Variants in CTNNA3 observed in about 807,000 individuals in gnomAD.
CTNNA3 encodes catenin alpha 3, also known as catenin alpha-3.
In CTNNA3, 76 loss-of-function variants were observed where a neutral mutation model predicts 95.7. The ratio of observed to expected loss-of-function variants is 0.79; its 90% CI spans 0.66 to 0.96. The LOEUF (loss-of-function observed/expected upper bound fraction) is 0.96, where lower values mean the gene tolerates loss of function less well. Among genes scored for constraint, CTNNA3 ranks in the 40% least tolerant of loss-of-function variants. The probability of loss-of-function intolerance (pLI) is 0.00; values close to 1 mark genes in which losing one functional copy is unlikely to be tolerated. For missense variants in CTNNA3, 1,191 were observed against 1,089.8 expected (o/e 1.09, Z -1.31); for synonymous variants, 431 against 374.4 (o/e 1.15, Z -1.74).
At chr10:67,480,791 T>C (rs531513534) in intron 5 of CTNNA3, among the ~76,000 whole-genome samples, 16 of 152,180 alleles carry the variant, frequency 1.1e-4, no homozygotes, top group Non-Finnish European at 2.1e-4. Context: ...TGTACTCTAT[T>C]TCTGTGTCTT....
chr10:66,976,075 G>A (rs1032568688), intron 7 of CTNNA3, among the ~76,000 whole-genome samples: 1 of 151,794 alleles, frequency 6.6e-6, no homozygotes, highest in African/African-American at 2.4e-5. Flanking sequence ...AAATTTTGTT[G>A]AATACTTACT....
chr10:67,269,983 C>T (rs1838900184), intron 5 of CTNNA3, among the ~76,000 whole-genome samples: 1 of 152,050 alleles, frequency 6.6e-6, no homozygotes, highest in African/African-American at 2.4e-5. Flanking sequence ...GTACTGAATG[C>T]TAATGCATTT....
intron 5 of CTNNA3, among the ~76,000 whole-genome samples, chr10:67,360,180 G>A (rs9414957): frequency 0.79 from 120,730 of 151,868 alleles, 50,408 homozygotes; most frequent in Non-Finnish European, 0.92. Flanking sequence ...CCACTAGCCC[G>A]GCTATAAATG....
intron 5 of CTNNA3, among the ~76,000 whole-genome samples, chr10:67,393,592 G>A (rs1027564339): frequency 7.2e-5 from 11 of 152,060 alleles, no homozygotes; most frequent in East Asian, 1.9e-4. Flanking sequence ...AACTTTTGCC[G>A]CTCATTGCCA....
At chr10:65,951,070 C>T (rs2077602347) in intron 17 of CTNNA3, among the ~76,000 whole-genome samples, 1 of 152,156 alleles carries the variant, frequency 6.6e-6, no homozygotes. Context: ...TACACATGTA[C>T]TTTTTTCTAG....
intron 13 of CTNNA3, among the ~76,000 whole-genome samples, chr10:66,222,622 A>ACG (rs1554895441): frequency 4.6e-5 from 3 of 65,230 alleles, no homozygotes; most frequent in Non-Finnish European, 1.2e-4. Flanking sequence ...GAAAGAAAGA[A>ACG]AAAGAAAGAA....
At chr10:67,160,525 C>T (rs1256443870) in intron 7 of CTNNA3, among the ~76,000 whole-genome samples, 1 of 150,728 alleles carries the variant, frequency 6.6e-6, no homozygotes, top group Non-Finnish European at 1.5e-5. Flanking sequence ...GCAGCCTCGA[C>T]CACTTGGGCT....
At chr10:66,978,051 CA>C (rs1850153902) in intron 7 of CTNNA3, among the ~76,000 whole-genome samples, 1 of 113,262 alleles carries the variant, frequency 8.8e-6, no homozygotes, top group Admixed American at 8.0e-5. Context: ...AATTTGCACA[CA>C]CATATATATA....
At chr10:67,356,197 C>T (rs1197132943) in intron 5 of CTNNA3, among the ~76,000 whole-genome samples, 1 of 152,076 alleles carries the variant, frequency 6.6e-6, no homozygotes, top group Admixed American at 6.6e-5. Context: ...ACTGCCTCCA[C>T]CTCTTTGCTG....
At chr10:66,679,598 T>A (rs1175056288) in intron 9 of CTNNA3, among the ~76,000 whole-genome samples, 1 of 152,158 alleles carries the variant, frequency 6.6e-6, no homozygotes, top group Non-Finnish European at 1.5e-5. Context: ...TCCACTCCAA[T>A]AGATTTGATT....
intron 2 of CTNNA3, among the ~76,000 whole-genome samples, chr10:67,636,594 T>C (rs1414680961): frequency 2.6e-5 from 4 of 152,166 alleles, no homozygotes; most frequent in African/African-American, 9.7e-5. Flanking sequence ...TAATAAATAG[T>C]GCTGGGAGAA....
intron 5 of CTNNA3, among the ~76,000 whole-genome samples, chr10:67,299,760 T>C (rs1180150544): frequency 2.6e-5 from 4 of 152,186 alleles, no homozygotes; most frequent in African/African-American, 9.7e-5. Context: ...TATACAGCCA[T>C]TGCTACATTG....
At chr10:66,486,818 TAC>T (rs373131708) in intron 11 of CTNNA3, among the ~76,000 whole-genome samples, 1,895 of 140,368 alleles carry the variant, frequency 0.014, 23 homozygotes, top group African/African-American at 0.038. Context: ...GATGAACAAA[TAC>T]ACACACACAC....
At position 65,919,653 on chromosome 10, in the gene CTNNA3, T is replaced by C. The variant is rs2077052453; in HGVS notation, c.*677A>G. On this transcript the variant is annotated 3_prime_UTR_variant, in exon 18 of 18. Coordinates refer to ENST00000433211, the MANE Select transcript of CTNNA3 (RefSeq NM_013266.4). ...GGTGAGTATGTGGCATCAGAACTCATTGTAACCTTTATAATGTTAAGAAAG... is the reference window on the plus strand; with the variant it reads ...GGTGAGTATGTGGCATCAGAACTCACTGTAACCTTTATAATGTTAAGAAAG... 6.6e-6 allele frequency: 1 copy of C among 152,288 alleles called. No homozygotes were observed. Among genetic ancestry groups the C allele is most frequent in the African/African-American group, 2.4e-5 (1 of 41,460 alleles). 9.4% of individuals were successfully genotyped at this position (152,288 alleles called of 1,614,324 possible).
At chr10:66,914,200 G>A (rs530675669) in intron 7 of CTNNA3, among the ~76,000 whole-genome samples, 1 of 144,674 alleles carries the variant, frequency 6.9e-6, no homozygotes, top group South Asian at 2.2e-4. Flanking sequence ...GCACGATCTC[G>A]GCTCACTGCA....
intron 7 of CTNNA3, among the ~76,000 whole-genome samples, chr10:66,857,136 T>A: frequency 6.6e-6 from 1 of 152,118 alleles, no homozygotes; most frequent in East Asian, 1.9e-4. Flanking sequence ...TAGCCAGTTA[T>A]TCTAGCACAA....
chr10:66,366,945 G>T (rs2092714724), intron 12 of CTNNA3, among the ~76,000 whole-genome samples: 1 of 152,104 alleles, frequency 6.6e-6, no homozygotes, highest in Admixed American at 6.6e-5. Context: ...GACGGTGTTG[G>T]ATAATTGAAA....
intron 12 of CTNNA3, among the ~76,000 whole-genome samples, chr10:66,364,693 G>C (rs565820336): frequency 1.3e-5 from 2 of 152,220 alleles, no homozygotes; most frequent in East Asian, 3.9e-4. Context: ...AGATCTCCTA[G>C]TTAACCCTCT....
At chr10:66,316,390 CT>C (rs1311605833) in intron 12 of CTNNA3, among the ~76,000 whole-genome samples, 3 of 151,970 alleles carry the variant, frequency 2.0e-5, no homozygotes, top group African/African-American at 7.2e-5. Context: ...ACTTTATGAA[CT>C]TTTATTTTAC....
Sources: gnomAD v4.1 joint callset for allele counts (sites outside exome capture counted in the v4.1 genomes callset) on GRCh38, gnomAD v4.1.1 for gene constraint, MANE v1.5 for transcripts, NCBI Gene and HGNC (gene_info 2026-07-23, HGNC 2026-07-21) for gene names.